The following SEPTIN7 variants were observed in gnomAD, a reference collection of about 807,000 sequenced individuals.
SEPTIN7 encodes septin-7.
Under a neutral mutation model 63.3 loss-of-function variants are expected in SEPTIN7, and 10 were observed. The ratio of observed to expected loss-of-function variants is 0.16; its 90% CI spans 0.10 to 0.27. SEPTIN7 has a LOEUF of 0.27. SEPTIN7 is among the 10% of genes least tolerant of loss of function. SEPTIN7 has a pLI of 1.00. For synonymous variants in SEPTIN7, 131 were observed against 165.3 expected (o/e 0.79, Z 1.59); for missense variants, 310 against 521.0 (o/e 0.59, Z 3.94).
chr7:35,857,547 T>C (rs1785270587), intron 3 of SEPTIN7, among the ~76,000 whole-genome samples: 1 of 152,244 alleles, frequency 6.6e-6, no homozygotes, highest in African/African-American at 2.4e-5. Flanking sequence ...CTTTGGTCCA[T>C]AATTTCAGTG....
At chr7:35,859,644 A>G (rs748860036) in intron 3 of SEPTIN7, among the ~76,000 whole-genome samples, 6 of 152,200 alleles carry the variant, frequency 3.9e-5, no homozygotes, top group East Asian at 3.9e-4. Context: ...AATTCTACCA[A>G]TCTTTGCGTT....
chr7:35,839,581 T>A (rs1466607217), intron 3 of SEPTIN7, among the ~76,000 whole-genome samples: 1 of 144,302 alleles, frequency 6.9e-6, no homozygotes, highest in African/African-American at 2.5e-5. Context: ...TGAGACAGAG[T>A]CTTGCTCTGT....
chr7:35,860,458 G>T (rs1236661450), intron 3 of SEPTIN7, among the ~76,000 whole-genome samples: 2 of 151,948 alleles, frequency 1.3e-5, no homozygotes, highest in Non-Finnish European at 2.9e-5. Context: ...TCTTTATATT[G>T]CTTTGAGTTA....
chr7:35,872,606 C>G (rs1786218851), intron 4 of SEPTIN7, 60 bp from the exon 5 acceptor site: 1 of 1,310,082 alleles, frequency 7.6e-7, no homozygotes, highest in Non-Finnish European at 1.1e-6. Flanking sequence ...ACCATCACCC[C>G]TTGTAGGAAA....
At chr7:35,898,474 TA>T in intron 12 of SEPTIN7, 91 bp downstream of exon 12, 1 of 831,384 alleles carries the variant, frequency 1.2e-6, no homozygotes, top group Non-Finnish European at 1.8e-6. Flanking sequence ...ATAACCTTTT[TA>T]TACATATTTT....
intron 13 of SEPTIN7, 68 bp downstream of exon 13, chr7:35,903,283 T>TA: frequency 6.9e-7 from 1 of 1,447,658 alleles, no homozygotes; most frequent in Non-Finnish European, 9.1e-7. Flanking sequence ...CCTACTTATT[T>TA]AAAAAACATT....
In SEPTIN7 at chr7:35,863,699, A is replaced by G. The variant is rs199747879; in HGVS notation, c.276+41A>G. 5.1e-4 allele frequency: 529 copies of G among 1,027,460 alleles called. 4 individuals are homozygous for G. The highest frequency in any genetic ancestry group is 1.0e-4 in the Non-Finnish European group (72 of 704,460). The allele number at this position is 1,027,460 out of a possible 1,614,324, so 63.6% of individuals were successfully genotyped here. ...TTGTTAATTGATAAGCTGGAATAAT[A>G]TTAATACACACAAAGCACATGTTGT... On this transcript the variant is annotated intron_variant, in intron 4 of 13. Transcript: ENST00000350320.
At chr7:35,816,983 G>T (rs1446704748) in intron 1 of SEPTIN7, among the ~76,000 whole-genome samples, 1 of 151,384 alleles carries the variant, frequency 6.6e-6, no homozygotes, top group Non-Finnish European at 1.5e-5. Flanking sequence ...TAGAAGACTT[G>T]CAAGTAGTTC....
At chr7:35,847,293 G>T in intron 3 of SEPTIN7, 1 of 159,972 alleles carries the variant, frequency 6.3e-6, no homozygotes, top group South Asian at 1.7e-4. Context: ...TTGAACTATG[G>T]GACCACTCTT....
intron 4 of SEPTIN7, among the ~76,000 whole-genome samples, chr7:35,870,900 A>G (rs1786105578): frequency 6.7e-6 from 1 of 150,088 alleles, no homozygotes; most frequent in Non-Finnish European, 1.5e-5. Context: ...GTTTTCTCTG[A>G]GTTATTTTGC....
At chr7:35,863,479 A>G (rs1204670717) in intron 3 of SEPTIN7, 73 bp from the exon 4 acceptor site, 9 of 836,614 alleles carry the variant, frequency 1.1e-5, no homozygotes, top group Non-Finnish European at 1.7e-5. Context: ...AAGTTTGATT[A>G]TAGCATCTGT....
chr7:35,848,453 G>A (rs1784802445), intron 3 of SEPTIN7, among the ~76,000 whole-genome samples: 1 of 151,850 alleles, frequency 6.6e-6, no homozygotes, highest in Admixed American at 6.6e-5. Context: ...TTTTTTTTTA[G>A]TAGAGACGGG....
At chr7:35,837,310 A>G (rs1784128551) in intron 3 of SEPTIN7, among the ~76,000 whole-genome samples, 1 of 152,162 alleles carries the variant, frequency 6.6e-6, no homozygotes, top group Non-Finnish European at 1.5e-5. Context: ...GTGTAGTTAA[A>G]TTGTGATTAT....
chr7:35,901,124 T>A (rs1788296333), intron 12 of SEPTIN7: 1 of 152,234 alleles, frequency 6.6e-6, no homozygotes, highest in Non-Finnish European at 1.5e-5. Flanking sequence ...GGGGCACAGC[T>A]AGCAGCACAG....
At position 35,883,827 on chromosome 7, in the gene SEPTIN7, TTTTTA is replaced by T. The variant is rs1787056687; in HGVS notation, c.724-59_724-55del. Reference sequence around the variant, plus strand: ...GCTAACCTGTTGAGTAATGTAACTTTTTTTATTTTTGAATTTGTGAGGACTACAGA... The same window carrying T: ...GCTAACCTGTTGAGTAATGTAACTTTTTTTTGAATTTGTGAGGACTACAGA... On this transcript the variant is annotated intron_variant, in intron 8 of 13. Transcript: ENST00000350320. 52 of 1,021,516 alleles carry T rather than the reference TTTTTA, an allele frequency of 5.1e-5. No homozygotes were observed. The South Asian group carries it at 8.5e-4, about 17-fold the overall frequency. The allele number at this position is 1,021,516 out of a possible 1,614,324, so 63.3% of individuals were successfully genotyped here.
intron 1 of SEPTIN7, among the ~76,000 whole-genome samples, chr7:35,806,517 G>T (rs190389317): frequency 1.3e-5 from 2 of 152,132 alleles, no homozygotes; most frequent in Admixed American, 1.3e-4. Flanking sequence ...AATGCTTTCC[G>T]ACTTATCAAG....
At chr7:35,850,858 G>A (rs1381289359) in intron 3 of SEPTIN7, among the ~76,000 whole-genome samples, 3 of 152,114 alleles carry the variant, frequency 2.0e-5, no homozygotes, top group African/African-American at 7.2e-5. Context: ...CTTATAAAAT[G>A]TCAGGTACTA....
intron 1 of SEPTIN7, among the ~76,000 whole-genome samples, chr7:35,813,192 C>A (rs558117497): frequency 6.6e-6 from 1 of 152,240 alleles, no homozygotes; most frequent in African/African-American, 2.4e-5. Context: ...ATGTAACTTA[C>A]CCGCCTGAAC....
At chr7:35,882,366 A>G (rs1185071051) in intron 7 of SEPTIN7, 118 bp from the exon 8 acceptor site, 23 of 696,370 alleles carry the variant, frequency 3.3e-5, no homozygotes, top group Non-Finnish European at 4.4e-5. Context: ...TCATTAAAAA[A>G]CAGTAAAGGA....
Sources: allele counts gnomAD v4.1 joint callset (sites outside exome capture counted in the v4.1 genomes callset), GRCh38; gene constraint gnomAD v4.1.1; transcripts MANE v1.5; gene names NCBI Gene and HGNC (gene_info 2026-07-23, HGNC 2026-07-21).